CHN1: variants seen among roughly 807,000 people sequenced by gnomAD.
CHN1 encodes N-chimaerin.
In CHN1, 37 loss-of-function variants were observed where a neutral mutation model predicts 59.5. The observed-to-expected ratio is 0.62, with a 90% CI of 0.48 to 0.82. CHN1 has a LOEUF of 0.82. Ranked by LOEUF, CHN1 falls within the 40% of genes least tolerant of loss-of-function variation. The pLI, the probability that CHN1 is intolerant of heterozygous loss-of-function variation, is 0.00. For missense variants in CHN1, 469 were observed against 571.0 expected (o/e 0.82, Z 1.82); for synonymous variants, 206 against 200.4 (o/e 1.03, Z -0.24).
intron 5 of CHN1, among the ~76,000 whole-genome samples, chr2:174,910,118 T>C (rs867333244): frequency 6.6e-6 from 1 of 152,234 alleles, no homozygotes; most frequent in African/African-American, 2.4e-5. Context: ...TCCTCTATTC[T>C]TTCAATCTAT....
intron 3 of CHN1, among the ~76,000 whole-genome samples, chr2:174,933,843 T>C (rs908241206): frequency 2.6e-5 from 4 of 152,212 alleles, no homozygotes; most frequent in Non-Finnish European, 5.9e-5. Flanking sequence ...AGCTATCACC[T>C]ATGAGGTTAA....
At chr2:175,003,640 TTTA>T (rs958819677) in intron 1 of CHN1, among the ~76,000 whole-genome samples, 2 of 152,096 alleles carry the variant, frequency 1.3e-5, no homozygotes, top group African/African-American at 4.8e-5. Context: ...CAGCGAGAAT[TTTA>T]TTATTTTTCA....
intron 5 of CHN1, among the ~76,000 whole-genome samples, chr2:174,897,767 T>C (rs1311802480): frequency 6.6e-6 from 1 of 152,056 alleles, no homozygotes; most frequent in African/African-American, 2.4e-5. Context: ...ACAGAAAGAA[T>C]AGGTTCCTTA....
intron 3 of CHN1, among the ~76,000 whole-genome samples, chr2:174,922,626 G>A (rs1243721106): frequency 6.6e-6 from 1 of 152,112 alleles, no homozygotes; most frequent in Non-Finnish European, 1.5e-5. Flanking sequence ...AGGAGGTTGA[G>A]GCTGCAGTGA....
chr2:174,891,139 T>TGAAAAAA (rs1688031582), intron 5 of CHN1, among the ~76,000 whole-genome samples: 1 of 21,610 alleles, frequency 4.6e-5, no homozygotes, highest in African/African-American at 2.3e-4. Context: ...AGACTCCATC[T>TGAAAAAA]CAAAAAAAAA....
chr2:174,838,832 T>C (rs1029244851), intron 7 of CHN1, among the ~76,000 whole-genome samples: 4 of 151,928 alleles, frequency 2.6e-5, no homozygotes, highest in Non-Finnish European at 4.4e-5. Context: ...CTGACCAACA[T>C]GGCGAAACCC....
intron 1 of CHN1, among the ~76,000 whole-genome samples, chr2:174,969,096 C>T (rs1215866511): frequency 6.6e-6 from 1 of 152,154 alleles, no homozygotes; most frequent in East Asian, 1.9e-4. Context: ...AAAAATCCTG[C>T]ATTCCAGCAC....
At chr2:174,935,334 A>C (rs1689465477) in intron 3 of CHN1, among the ~76,000 whole-genome samples, 1 of 152,268 alleles carries the variant, frequency 6.6e-6, no homozygotes, top group Non-Finnish European at 1.5e-5. Flanking sequence ...CCCCTCCAAG[A>C]ATGCTGACTG....
At chr2:174,860,423 G>A (rs1687033118) in intron 6 of CHN1, among the ~76,000 whole-genome samples, 1 of 152,010 alleles carries the variant, frequency 6.6e-6, no homozygotes, top group Admixed American at 6.6e-5. Flanking sequence ...ATTTTTGGGT[G>A]CTAGACATAT....
intron 6 of CHN1, chr2:174,847,605 G>C (rs185727136): frequency 1.4e-5 from 18 of 1,314,244 alleles, no homozygotes; most frequent in Non-Finnish European, 1.5e-5. Flanking sequence ...CAGGGAAGGT[G>C]GGGGGAAGGG....
intron 1 of CHN1, among the ~76,000 whole-genome samples, chr2:174,957,692 A>G (rs914251355): frequency 6.6e-6 from 1 of 152,140 alleles, no homozygotes; most frequent in African/African-American, 2.4e-5. Flanking sequence ...CCAAACCATA[A>G]GAGGTGGTGA....
chr2:174,804,427 C>T (rs1314748220), intron 11 of CHN1, among the ~76,000 whole-genome samples: 1 of 152,044 alleles, frequency 6.6e-6, no homozygotes, highest in African/African-American at 2.4e-5. Flanking sequence ...AGGTTATCAA[C>T]AAGGAAAGGT....
chr2:174,801,761 A>G lies in CHN1; in HGVS notation c.1154T>C (p.Leu385Pro). Reference protein sequence around the residue: ...QLETLHEALKLLPPAHCETLR... With the variant: ...QLETLHEALKPLPPAHCETLR... Reference sequence around the variant, plus strand: ...GGTTTCGCAGTGAGCAGGTGGCAGTAGTTTCAGTGCTTCATGAAGGGTTTC... The same window carrying G: ...GGTTTCGCAGTGAGCAGGTGGCAGTGGTTTCAGTGCTTCATGAAGGGTTTC... Residue 385 changes from leucine to proline, a missense_variant, in exon 12 of 13, where the codon CTA (leucine) becomes CCA (proline). Physicochemically the swap from Leu to Pro is moderately conservative, Grantham distance 98 (BLOSUM62 -3). This residue lies in a region of CHN1 where 225 missense variants were observed against 289.9 expected (regional missense o/e 0.78). Coordinates refer to ENST00000409900, the MANE Select transcript of CHN1 (RefSeq NM_001822.7). The G allele has an allele frequency of 6.2e-7, 1 of 1,613,516 alleles. No individual in the cohort carries two copies. The highest frequency in any genetic ancestry group is 8.5e-7 in the Non-Finnish European group (1 of 1,179,518).
intron 1 of CHN1, among the ~76,000 whole-genome samples, chr2:175,002,095 G>A (rs1213385232): frequency 6.6e-6 from 1 of 152,202 alleles, no homozygotes; most frequent in African/African-American, 2.4e-5. Context: ...TCTCTTGTAC[G>A]CTGTGACAGA....
chr2:174,936,200 G>A (rs1039364573), intron 3 of CHN1, among the ~76,000 whole-genome samples: 2 of 152,024 alleles, frequency 1.3e-5, no homozygotes, highest in African/African-American at 2.4e-5. Context: ...CCAACTCCCT[G>A]CAACACTAAC....
At chr2:174,859,831 A>G (rs142876405) in intron 6 of CHN1, among the ~76,000 whole-genome samples, 1 of 152,144 alleles carries the variant, frequency 6.6e-6, no homozygotes, top group African/African-American at 2.4e-5. Flanking sequence ...AAAGACCCAG[A>G]ATCATCAGCA....
At position 174,912,733 on chromosome 2, in the gene CHN1, T is replaced by C. The variant is rs1295081098; in HGVS notation, c.260+2325A>G. On this transcript the variant is annotated intron_variant, in intron 5 of 12. Transcript: ENST00000409900. ...ATTTCAGACTTTGCTTAACACTTCC[T>C]AGCCATACATCAAGTTTAAAACAAG... is the stretch of plus-strand genomic sequence containing the variant. Among the ~76,000 whole-genome samples, 7 of 152,238 alleles carry C rather than the reference T, an allele frequency of 4.6e-5. No individual in the cohort carries two copies. In the South Asian group the frequency reaches 1.0e-3, roughly 22 times the overall value.
chr2:174,828,156 T>A, intron 7 of CHN1, among the ~76,000 whole-genome samples: 1 of 152,106 alleles, frequency 6.6e-6, no homozygotes, highest in Non-Finnish European at 1.5e-5. Flanking sequence ...CAGTCTATAG[T>A]CTCTGAGCAT....
intron 1 of CHN1, among the ~76,000 whole-genome samples, chr2:174,977,234 T>C (rs1690976611): frequency 6.6e-6 from 1 of 152,228 alleles, no homozygotes; most frequent in Non-Finnish European, 1.5e-5. Flanking sequence ...GCTTTCCTAA[T>C]AAAACTCTGA....
Sources: allele counts gnomAD v4.1 joint callset (sites outside exome capture counted in the v4.1 genomes callset), GRCh38; gene constraint gnomAD v4.1.1; regional missense constraint gnomAD v4.1.1; transcripts MANE v1.5; gene names NCBI Gene and HGNC (gene_info 2026-07-23, HGNC 2026-07-21).